The following ABLIM2 variants were observed in gnomAD, a reference collection of about 807,000 sequenced individuals.
The protein encoded by ABLIM2 is actin-binding LIM protein 2.
Under a neutral mutation model 97.7 loss-of-function variants are expected in ABLIM2, and 53 were observed. The observed-to-expected ratio is 0.54, with a 90% confidence interval of 0.44 to 0.68. ABLIM2 has a LOEUF of 0.68. Ranked by LOEUF, ABLIM2 falls within the 30% of genes least tolerant of loss-of-function variation. The pLI, the probability that ABLIM2 is intolerant of heterozygous loss-of-function variation, is 0.00. For missense variants in ABLIM2, 835 were observed against 867.2 expected (o/e 0.96, Z 0.47); for synonymous variants, 361 against 345.8 (o/e 1.04, Z -0.49).
rs1803272998 is a variant in ABLIM2 at position 8,061,793 on chromosome 4, GGAA to G, written c.676-742_676-740del. Among the ~76,000 whole-genome samples, 1 of 152,092 alleles carries G rather than the reference GGAA, an allele frequency of 6.6e-6. No homozygotes were observed. Among genetic ancestry groups the G allele is most frequent in the Admixed American group, 6.5e-5 (1 of 15,274 alleles). ...CCGTGGCTCATTCTTTCCTAAAACG[GGAA>G]GAAGTTTCCTAATCCCTACCTACAT... On this transcript the variant is annotated intron_variant, in intron 6 of 20. Transcript: ENST00000447017. This position sits in a 1 kb window ranked among gnomAD's most constrained non-coding sequence, Gnocchi z 4.5.
Position 8,127,695 on chromosome 4 carries a change from C to T in ABLIM2, c.11-21058G>A. The T allele has an allele frequency of 8.0e-7, 1 of 1,249,230 alleles. No homozygotes were observed. Among genetic ancestry groups the T allele is most frequent in the African/African-American group, 1.5e-5 (1 of 65,014 alleles). 77.4% of individuals were successfully genotyped at this position (1,249,230 alleles called of 1,614,324 possible). A position where few individuals can be genotyped will look rare whatever the true frequency, so the allele number is the denominator to read the frequency against. On this transcript the variant is annotated intron_variant, in intron 1 of 20. Transcript: ENST00000447017. The surrounding 1 kb of genome is among the most constrained non-coding windows in gnomAD (Gnocchi z 7.3). Reference sequence around the variant, plus strand: ...AAGAGCCTCTGTGGCCCACAGGGCTCCCACAAGGTCACGTGGCAGCTGCCA... The same window carrying T: ...AAGAGCCTCTGTGGCCCACAGGGCTTCCACAAGGTCACGTGGCAGCTGCCA...
In ABLIM2 at chr4:7,999,844, C is replaced by A. The variant is rs1036956506; in HGVS notation, c.1619-6917G>T. Among the ~76,000 whole-genome samples, 1 of 152,220 alleles carries A rather than the reference C, an allele frequency of 6.6e-6. No homozygotes were observed. The highest frequency in any genetic ancestry group is 2.4e-5 in the African/African-American group (1 of 41,464). ...CCCTCCATGAAGCCTGCCATAGCCA[C>A]CTTGCCCTCAGCACCCCGCCAGGCC... On this transcript the variant is annotated intron_variant, in intron 16 of 20. Coordinates refer to ENST00000447017, the MANE Select transcript of ABLIM2 (RefSeq NM_001130083.2). This position sits in a 1 kb window ranked among gnomAD's most constrained non-coding sequence, Gnocchi z 4.4.
In ABLIM2 at chr4:7,996,527, T is replaced by C. The variant is rs973249678; in HGVS notation, c.1619-3600A>G. ...TGACTATGATAGTCTCAGGGACGTC[T>C]TCTGTTTCCCCTGAGCACCCGTATC... On this transcript the variant is annotated intron_variant, in intron 16 of 20. Transcript: ENST00000447017. This position sits in a 1 kb window ranked among gnomAD's most constrained non-coding sequence, Gnocchi z 4.5. 1.3e-5 allele frequency among the ~76,000 whole-genome samples: 2 copies of C among 152,194 alleles called. No individual in the cohort carries two copies. Among genetic ancestry groups the C allele is most frequent in the East Asian group, 1.9e-4 (1 of 5,196 alleles).
intron 1 of ABLIM2, among the ~76,000 whole-genome samples, chr4:8,151,633 T>G (rs1578554615): frequency 6.6e-6 from 1 of 151,308 alleles, no homozygotes; most frequent in African/African-American, 2.4e-5. Flanking sequence ...GTGGGCGGGG[T>G]GGGGCGGTGG....
At chr4:7,974,900 T>C (rs2149468909) in intron 20 of ABLIM2, among the ~76,000 whole-genome samples, 1 of 152,332 alleles carries the variant, frequency 6.6e-6, no homozygotes, top group Admixed American at 6.5e-5. Context: ...TACTGGGAAG[T>C]TGGGGACACC....
At chr4:8,084,251 G>C (rs1821817653) in intron 4 of ABLIM2, among the ~76,000 whole-genome samples, 1 of 152,200 alleles carries the variant, frequency 6.6e-6, no homozygotes, top group Non-Finnish European at 1.5e-5. Context: ...GACTAGACCG[G>C]GACAGGCCTG....
chr4:8,008,652 T>A (rs1159677751), intron 15 of ABLIM2, among the ~76,000 whole-genome samples: 4 of 152,206 alleles, frequency 2.6e-5, no homozygotes, highest in African/African-American at 9.6e-5. Flanking sequence ...CCGGCTGCGT[T>A]CACAGAGTTC....
chr4:8,132,414 C>G lies in ABLIM2; in HGVS notation c.11-25777G>C, dbSNP rs1388286347. ...ACTTAAAGCGAGGAAGACACCAGTG[C>G]TTTTTCAGGATTGTAAAACTTAGGT... is the stretch of plus-strand genomic sequence containing the variant. On this transcript the variant is annotated intron_variant, in intron 1 of 20. Coordinates refer to ENST00000447017, the MANE Select transcript of ABLIM2 (RefSeq NM_001130083.2). This position sits in a 1 kb window ranked among gnomAD's most constrained non-coding sequence, Gnocchi z 8.0. Among the ~76,000 whole-genome samples, 1 of 152,182 alleles carries G rather than the reference C, an allele frequency of 6.6e-6. No individual in the cohort carries two copies. Among genetic ancestry groups the G allele is most frequent in the Admixed American group, 6.5e-5 (1 of 15,282 alleles).
At chr4:8,144,634 G>A (rs917158273) in intron 1 of ABLIM2, among the ~76,000 whole-genome samples, 4 of 152,160 alleles carry the variant, frequency 2.6e-5, no homozygotes, top group Admixed American at 6.5e-5. Context: ...CGGGTGACGC[G>A]GGGCAGGCTT....
intron 13 of ABLIM2, 42 bp downstream of exon 13, chr4:8,020,160 G>A: frequency 6.3e-7 from 1 of 1,576,470 alleles, no homozygotes; most frequent in Non-Finnish European, 8.7e-7. Flanking sequence ...GGTGTGGACA[G>A]TTTCAGTGTA....
rs1268236815 is a variant in ABLIM2, at chr4:8,101,095, A to G, written c.155-3813T>C. ...TGTCCACCCGCTGCTATTTTTCTAT[A>G]TTGGTGAGTGGAAGACGGAGATGCC... On this transcript the variant is annotated intron_variant, in intron 2 of 20. Transcript: ENST00000447017. 2.0e-5 allele frequency among the ~76,000 whole-genome samples: 3 copies of G among 152,200 alleles called. No homozygotes were observed. The East Asian group carries it at 5.8e-4, about 29-fold the overall frequency.
chr4:8,052,744 C>T lies in ABLIM2; in HGVS notation c.822+1444G>A, dbSNP rs573127363. ...CTGCAGCTTCGCTCAGACGGGCCTG[C>T]ATCGGAATGCTGTCCTGAACCCCAT... On this transcript the variant is annotated intron_variant, in intron 8 of 20. Coordinates refer to ENST00000447017, the MANE Select transcript of ABLIM2 (RefSeq NM_001130083.2). Among the ~76,000 whole-genome samples the T allele has an allele frequency of 6.0e-4, 92 of 152,326 alleles. 1 individual carries two copies. The South Asian group carries it at 0.011, about 17-fold the overall frequency.
At chr4:8,092,776 A>C (rs1217766476) in intron 3 of ABLIM2, among the ~76,000 whole-genome samples, 1 of 152,110 alleles carries the variant, frequency 6.6e-6, no homozygotes. Flanking sequence ...TGGCTAAATA[A>C]ACCTCTGTTG....
chr4:8,147,197 T>C lies in ABLIM2; in HGVS notation c.10+11483A>G, dbSNP rs1851940459. ...CAAAAGATTAGACCAATTCATATTC[T>C]TATCCACAGTCTGTGACAGGATCTA... is the stretch of plus-strand genomic sequence containing the variant. On this transcript the variant is annotated intron_variant, in intron 1 of 20. Coordinates refer to ENST00000447017, the MANE Select transcript of ABLIM2 (RefSeq NM_001130083.2). The surrounding 1 kb of genome is among the most constrained non-coding windows in gnomAD (Gnocchi z 5.3). 6.6e-6 allele frequency among the ~76,000 whole-genome samples: 1 copy of C among 152,260 alleles called. No homozygotes were observed. The highest frequency in any genetic ancestry group is 1.5e-5 in the Non-Finnish European group (1 of 68,052).
rs115796867 is a variant in ABLIM2 at position 7,970,611 on chromosome 4, C to G, written c.1825-3508G>C. Among the ~76,000 whole-genome samples, 2,603 of 151,208 alleles carry G rather than the reference C, an allele frequency of 0.017. 85 individuals carry two copies. Among genetic ancestry groups the G allele is most frequent in the African/African-American group, 0.061 (2,490 of 41,090 alleles). ...CGATTCGAGGAAGACTTGGAGCTGG[C>G]GGGCAAGCAGGAAGGCTGGCAGGGT... is the stretch of plus-strand genomic sequence containing the variant. On this transcript the variant is annotated intron_variant, in intron 20 of 20. Coordinates refer to ENST00000447017, the MANE Select transcript of ABLIM2 (RefSeq NM_001130083.2). The surrounding 1 kb of genome is among the most constrained non-coding windows in gnomAD (Gnocchi z 5.3).
chr4:8,088,306 C>A, intron 3 of ABLIM2, 22 bp from the exon 4 acceptor site: 3 of 1,595,962 alleles, frequency 1.9e-6, no homozygotes, highest in African/African-American at 1.3e-5. Context: ...GAGCTCGTTA[C>A]CAGCCAGGCC....
intron 20 of ABLIM2, among the ~76,000 whole-genome samples, chr4:7,980,992 G>A (rs1484367732): frequency 3.5e-5 from 4 of 115,300 alleles, no homozygotes; most frequent in African/African-American, 1.0e-4. Flanking sequence ...CGCCCAGGCC[G>A]GAGTGCTGTG....
rs143337057 is a variant in ABLIM2 at position 8,054,970 on chromosome 4, G to A, written c.764-724C>T. ...TACCATCAACATAACAAGGCCACCC[G>A]GCACCAAGTGCCCCCAGCATCCCTG... On this transcript the variant is annotated intron_variant, in intron 7 of 20. Transcript: ENST00000447017. The surrounding 1 kb of genome is among the most constrained non-coding windows in gnomAD (Gnocchi z 4.9). Among the ~76,000 whole-genome samples the A allele has an allele frequency of 9.2e-5, 14 of 151,956 alleles. No individual in the cohort carries two copies. Among genetic ancestry groups the A allele is most frequent in the African/African-American group, 2.7e-4 (11 of 41,452 alleles).
chr4:8,027,802 G>C lies in ABLIM2; in HGVS notation c.1224C>G (p.Ser408Arg). The C allele has an allele frequency of 6.2e-7, 1 of 1,601,434 alleles. No homozygotes were observed. Among genetic ancestry groups the C allele is most frequent in the Non-Finnish European group, 8.5e-7 (1 of 1,174,376 alleles). ...SSCLSLSQHP[S>R]PTSVFRHHYI... is the part of the protein sequence containing the mutation. ...AATGATGTCTGAACACGGATGTAGGGCTTGGGTGTTGGGACAGGGAGAGGC... is the reference window on the plus strand; with the variant it reads ...AATGATGTCTGAACACGGATGTAGGCCTTGGGTGTTGGGACAGGGAGAGGC... The change falls in exon 12 of 21, where the codon AGC (serine) becomes AGG (arginine). Residue 408 changes from serine to arginine, a missense_variant. Coordinates refer to ENST00000447017, the MANE Select transcript of ABLIM2 (RefSeq NM_001130083.2).
Sources: allele counts gnomAD v4.1 joint callset (sites outside exome capture counted in the v4.1 genomes callset), GRCh38; gene constraint gnomAD v4.1.1; non-coding constraint Gnocchi (gnomAD v3.1); transcripts MANE v1.5; gene names NCBI Gene and HGNC (gene_info 2026-07-23, HGNC 2026-07-21).